The following LBX1 variants were observed in gnomAD, a reference collection of about 807,000 sequenced individuals.
The protein encoded by LBX1 is ladybird homeobox 1, also known as transcription factor LBX1.
LBX1 carries 6 observed loss-of-function variants against 19.9 expected under a neutral mutation model. The observed-to-expected ratio is 0.30, with a 90% confidence interval of 0.17 to 0.60. The LOEUF (loss-of-function observed/expected upper bound fraction) is 0.60. LBX1 is among the 20% of genes least tolerant of loss of function. LBX1 has a pLI of 0.87. For synonymous variants in LBX1, 190 were observed against 189.3 expected (o/e 1.00, Z -0.03); for missense variants, 344 against 393.7 (o/e 0.87, Z 1.07).
At chr10:101,228,153 A>G (rs1432630211) in intron 1 of LBX1, among the ~76,000 whole-genome samples, 1 of 152,094 alleles carries the variant, frequency 6.6e-6, no homozygotes, top group Non-Finnish European at 1.5e-5. Context: ...CCTACCCATA[A>G]GGTCCCCGGC....
intron 1 of LBX1, 63 bp downstream of exon 1, chr10:101,228,428 C>A: frequency 7.4e-7 from 1 of 1,347,082 alleles, no homozygotes; most frequent in Non-Finnish European, 1.0e-6. Context: ...GCATAGGGGA[C>A]GAAGCGCGCA....
Position 101,229,017 on chromosome 10 carries a change from T to G in LBX1, c.-202A>C, listed in dbSNP as rs1340892443. 7.0e-5 allele frequency: 13 copies of G among 186,696 alleles called. No homozygotes were observed. The South Asian group carries it at 2.4e-3, about 35-fold the overall frequency. The allele number at this position is 186,696 out of a possible 1,614,324, so 11.6% of individuals were successfully genotyped here. On this transcript the variant is annotated 5_prime_UTR_variant, in exon 1 of 2. Coordinates refer to ENST00000370193, the MANE Select transcript of LBX1 (RefSeq NM_006562.5). This position sits in a 1 kb window ranked among gnomAD's most constrained non-coding sequence, Gnocchi z 6.4. ...GCGCGGGGCCCCGGGAAGAGGGCGC[T>G]GACGCGGGCGCCGCTGCTGCTGGGG...
In LBX1 at chr10:101,227,197, G is replaced by A; in HGVS notation, c.*73C>T. ...GGCAGAGGAGGTCCCAGCTCCCCTC[G>A]GCGGTCCGGTCCGGGAGGCGTTGGG... is the stretch of plus-strand genomic sequence containing the variant. On this transcript the variant is annotated 3_prime_UTR_variant, in exon 2 of 2. Transcript: ENST00000370193. 6.8e-7 allele frequency: 1 copy of A among 1,462,658 alleles called. No homozygotes were observed. Among genetic ancestry groups the A allele is most frequent in the South Asian group, 1.3e-5 (1 of 79,174 alleles). The allele number at this position is 1,462,658 out of a possible 1,614,324, so 90.6% of individuals were successfully genotyped here.
At chr10:101,228,421 T>C (rs555166218) in intron 1 of LBX1, 70 bp downstream of exon 1, 107 of 1,260,922 alleles carry the variant, frequency 8.5e-5, no homozygotes, top group Non-Finnish European at 1.1e-4. Flanking sequence ...AGCAGAGGCA[T>C]AGGGGACGAA....
At position 101,227,190 on chromosome 10, in the gene LBX1, T is replaced by C; in HGVS notation, c.*80A>G. On this transcript the variant is annotated 3_prime_UTR_variant, in exon 2 of 2. Coordinates refer to ENST00000370193, the MANE Select transcript of LBX1 (RefSeq NM_006562.5). ...GGGAGTTGGCAGAGGAGGTCCCAGCTCCCCTCGGCGGTCCGGTCCGGGAGG... is the reference window on the plus strand; with the variant it reads ...GGGAGTTGGCAGAGGAGGTCCCAGCCCCCCTCGGCGGTCCGGTCCGGGAGG... 7.1e-7 allele frequency: 1 copy of C among 1,406,556 alleles called. No individual in the cohort carries two copies. The allele number at this position is 1,406,556 out of a possible 1,614,324, so 87.1% of individuals were successfully genotyped here. A position where few individuals can be genotyped will look rare whatever the true frequency, so the allele number is the denominator to read the frequency against.
rs1018641878 is a variant in LBX1, at chr10:101,227,144, G to A, written c.*126C>T. ...GCGGCTGCCAGGAGCCGAGTCCGGGGCCGGGGACAGGGGAGGAGGCGGGAG... is the reference window on the plus strand; with the variant it reads ...GCGGCTGCCAGGAGCCGAGTCCGGGACCGGGGACAGGGGAGGAGGCGGGAG... On this transcript the variant is annotated 3_prime_UTR_variant, in exon 2 of 2. Transcript: ENST00000370193. 1.2e-5 allele frequency: 11 copies of A among 937,878 alleles called. No individual in the cohort carries two copies. The highest frequency in any genetic ancestry group is 1.7e-5 in the African/African-American group (1 of 57,184). The allele number at this position is 937,878 out of a possible 1,614,324, so 58.1% of individuals were successfully genotyped here. A position where few individuals can be genotyped will look rare whatever the true frequency, so the allele number is the denominator to read the frequency against.
Position 101,228,915 on chromosome 10 carries a change from T to A in LBX1, c.-100A>T. The A allele has an allele frequency of 1.3e-6, 1 of 787,690 alleles. No homozygotes were observed. Among genetic ancestry groups the A allele is most frequent in the Non-Finnish European group, 1.7e-6 (1 of 590,794 alleles). 48.8% of individuals were successfully genotyped at this position (787,690 alleles called of 1,614,324 possible). A position where few individuals can be genotyped will look rare whatever the true frequency, so the allele number is the denominator to read the frequency against. On this transcript the variant is annotated 5_prime_UTR_variant, in exon 1 of 2. Coordinates refer to ENST00000370193, the MANE Select transcript of LBX1 (RefSeq NM_006562.5). ...GACGGCGCGGGCAGGCAGCGGCGGG[T>A]GGAAAGGAGGCCGCACTGGGCAGGG...
chr10:101,228,698 C>A lies in LBX1; in HGVS notation c.118G>T (p.Asp40Tyr). ...CGCACAGACGGCTTGTTGAGGATGT[C>A]CTCGATGCTGAACGGCGTCAGTGGC... ...NKPLTPFSIEDILNKPSVRRS... is the reference protein window; with the variant it reads ...NKPLTPFSIEYILNKPSVRRS... The change falls in exon 1 of 2, where the codon GAC becomes TAC. Residue 40 changes from aspartate to tyrosine, a missense_variant. Physicochemically the swap from Asp to Tyr is radical, Grantham distance 160. Around this residue, in one of 3 missense-constraint regions of LBX1, gnomAD observed 153 missense variants for 168.9 expected, o/e 0.91. Transcript: ENST00000370193. 6.2e-7 allele frequency: 1 copy of A among 1,609,224 alleles called. No individual in the cohort carries two copies.
Position 101,227,231 on chromosome 10 carries a change from C to G in LBX1, c.*39G>C, listed in dbSNP as rs762655192. The G allele has an allele frequency of 8.2e-6, 13 of 1,577,604 alleles. No homozygotes were observed. The highest frequency in any genetic ancestry group is 1.1e-5 in the Non-Finnish European group (13 of 1,165,772). On this transcript the variant is annotated 3_prime_UTR_variant, in exon 2 of 2. Transcript: ENST00000370193. Reference sequence around the variant, plus strand: ...GTCCGGGAGGCGTTGGGCTTTCGAGCGCTAGGAGCCCAGGGCGGCGGAAGA... The same window carrying G: ...GTCCGGGAGGCGTTGGGCTTTCGAGGGCTAGGAGCCCAGGGCGGCGGAAGA...
chr10:101,228,773 G>T lies in LBX1; in HGVS notation c.43C>A (p.Arg15=), dbSNP rs1489353886. 1 of 1,598,708 alleles carries T rather than the reference G, an allele frequency of 6.3e-7. No individual in the cohort carries two copies. The highest frequency in any genetic ancestry group is 1.1e-5 in the South Asian group (1 of 88,916). The change falls in exon 1 of 2, where the codon CGG becomes AGG. Residue 15 remains arginine, a synonymous_variant. Coordinates refer to ENST00000370193, the MANE Select transcript of LBX1 (RefSeq NM_006562.5). ...EDGKAAPGEE[R]RRSPLDHLPP... ...AGGTGGTCCAGCGGGCTGCGCCGCCGCTCCTCCCCCGGCGCCGCCTTGCCG... is the reference window on the plus strand; with the variant it reads ...AGGTGGTCCAGCGGGCTGCGCCGCCTCTCCTCCCCCGGCGCCGCCTTGCCG...
At position 101,227,450 on chromosome 10, in the gene LBX1, G is replaced by A; in HGVS notation, c.666C>T (p.Gly222=). 1 of 1,596,628 alleles carries A rather than the reference G, an allele frequency of 6.3e-7. No homozygotes were observed. Among genetic ancestry groups the A allele is most frequent in the South Asian group, 1.1e-5 (1 of 90,056 alleles). Reference sequence around the variant, plus strand: ...TCGACTTGGCCCTGCCGCAGCCGCCGCCACCGCCGGCTGTGGCCTCCGAGT... The same window carrying A: ...TCGACTTGGCCCTGCCGCAGCCGCCACCACCGCCGGCTGTGGCCTCCGAGT... ...EQNSEATAGG[G]GGCGRAKSRP... The change falls in exon 2 of 2, where the codon GGC becomes GGT. Residue 222 remains glycine, a synonymous_variant. Transcript: ENST00000370193.
At position 101,227,089 on chromosome 10, in the gene LBX1, G is replaced by T; in HGVS notation, c.*181C>A. ...TGGTGGCGGCCGGCCCGGCCGGCCA[G>T]CCTGGGTTTATTGCTTCGAGAGGGA... On this transcript the variant is annotated 3_prime_UTR_variant, in exon 2 of 2. Coordinates refer to ENST00000370193, the MANE Select transcript of LBX1 (RefSeq NM_006562.5). 1 of 585,712 alleles carries T rather than the reference G, an allele frequency of 1.7e-6. No individual in the cohort carries two copies. The allele number at this position is 585,712 out of a possible 1,614,324, so 36.3% of individuals were successfully genotyped here.
In LBX1 at chr10:101,229,322, T is replaced by C. The variant is rs115460166; in HGVS notation, c.-507A>G. 0.021 allele frequency: 3,216 copies of C among 156,786 alleles called. 126 individuals are homozygous for C. The highest frequency in any genetic ancestry group is 0.073 in the African/African-American group (3,051 of 41,566). 9.7% of individuals were successfully genotyped at this position (156,786 alleles called of 1,614,324 possible). On this transcript the variant is annotated 5_prime_UTR_variant, in exon 1 of 2. Transcript: ENST00000370193. This position sits in a 1 kb window ranked among gnomAD's most constrained non-coding sequence, Gnocchi z 6.4. ...CTCTTTCTCTCTCCTTTCTCCCTTTTTCCTCTCTTCTTTGCCTCTGTTCTC... is the reference window on the plus strand; with the variant it reads ...CTCTTTCTCTCTCCTTTCTCCCTTTCTCCTCTCTTCTTTGCCTCTGTTCTC...
rs1454574101 is a variant in LBX1, at chr10:101,228,872, C to G, written c.-57G>C. The G allele has an allele frequency of 8.2e-6, 10 of 1,214,302 alleles. No homozygotes were observed. Among genetic ancestry groups the G allele is most frequent in the Non-Finnish European group, 1.1e-5 (10 of 950,038 alleles). 75.2% of individuals were successfully genotyped at this position (1,214,302 alleles called of 1,614,324 possible). On this transcript the variant is annotated 5_prime_UTR_variant, in exon 1 of 2. Transcript: ENST00000370193. ...GCTCGGGCCGCGGGGACCCAGCCCG[C>G]GGGCAGCTCGGGCGCCGGACGGCGC...
Position 101,226,998 on chromosome 10 carries a change from T to C in LBX1, c.*272A>G, listed in dbSNP as rs1464228075. ...CGGTGGGAAGAACCCGCTATATAGG[T>C]TTAAATATTTATATAGAAGCCATAC... is the stretch of plus-strand genomic sequence containing the variant. On this transcript the variant is annotated 3_prime_UTR_variant, in exon 2 of 2. Coordinates refer to ENST00000370193, the MANE Select transcript of LBX1 (RefSeq NM_006562.5). This position sits in a 1 kb window ranked among gnomAD's most constrained non-coding sequence, Gnocchi z 4.8. The C allele has an allele frequency of 6.6e-6, 2 of 302,104 alleles. No homozygotes were observed. Among genetic ancestry groups the C allele is most frequent in the Non-Finnish European group, 1.2e-5 (2 of 165,864 alleles). The allele number at this position is 302,104 out of a possible 1,614,324, so 18.7% of individuals were successfully genotyped here.
Position 101,227,679 on chromosome 10 carries a change from T to C in LBX1, c.437A>G (p.Tyr146Cys). The C allele has an allele frequency of 6.2e-7, 1 of 1,613,980 alleles. No individual in the cohort carries two copies. The highest frequency in any genetic ancestry group is 8.5e-7 in the Non-Finnish European group (1 of 1,179,980). Reference sequence around the variant, plus strand: ...ATCGGCGGGGGACAGGTACTTCTGGTATAGAAAGCGCTTTTCCAATTCATA... The same window carrying C: ...ATCGGCGGGGGACAGGTACTTCTGGCATAGAAAGCGCTTTTCCAATTCATA... ...QIYELEKRFL[Y>C]QKYLSPADRD... The change falls in exon 2 of 2, where the codon TAC becomes TGC. Residue 146 changes from tyrosine (Y) to cysteine (C), a missense_variant. Coordinates refer to ENST00000370193, the MANE Select transcript of LBX1 (RefSeq NM_006562.5).
At chr10:101,228,440 G>A (rs1440468290) in intron 1 of LBX1, 51 bp downstream of exon 1, 5 of 1,424,994 alleles carry the variant, frequency 3.5e-6, no homozygotes, top group Non-Finnish European at 4.7e-6. Flanking sequence ...AAGCGCGCAG[G>A]GCACAGGGCG....
At position 101,227,125 on chromosome 10, in the gene LBX1, G is replaced by T. The variant is rs1243685571; in HGVS notation, c.*145C>A. 6 of 782,824 alleles carry T rather than the reference G, an allele frequency of 7.7e-6. No homozygotes were observed. In the African/African-American group the frequency reaches 1.1e-4, roughly 14 times the overall value. 48.5% of individuals were successfully genotyped at this position (782,824 alleles called of 1,614,324 possible). On this transcript the variant is annotated 3_prime_UTR_variant, in exon 2 of 2. Transcript: ENST00000370193. ...TTGCTTCGAGAGGGAAGAGGCGGCT[G>T]CCAGGAGCCGAGTCCGGGGCCGGGG...
Position 101,226,994 on chromosome 10 carries a change from T to G in LBX1, c.*276A>C. On this transcript the variant is annotated 3_prime_UTR_variant, in exon 2 of 2. Transcript: ENST00000370193. This position sits in a 1 kb window ranked among gnomAD's most constrained non-coding sequence, Gnocchi z 4.8. ...GCTGCGGTGGGAAGAACCCGCTATA[T>G]AGGTTTAAATATTTATATAGAAGCC... 17 of 269,554 alleles carry G rather than the reference T, an allele frequency of 6.3e-5. No individual in the cohort carries two copies. Among genetic ancestry groups the G allele is most frequent in the East Asian group, 1.3e-4 (2 of 15,534 alleles). The allele number at this position is 269,554 out of a possible 1,614,324, so 16.7% of individuals were successfully genotyped here. A position where few individuals can be genotyped will look rare whatever the true frequency, so the allele number is the denominator to read the frequency against.
Sources: allele counts gnomAD v4.1 joint callset (sites outside exome capture counted in the v4.1 genomes callset), GRCh38; gene constraint gnomAD v4.1.1; regional missense constraint gnomAD v4.1.1; non-coding constraint Gnocchi (gnomAD v3.1); transcripts MANE v1.5; gene names NCBI Gene and HGNC (gene_info 2026-07-23, HGNC 2026-07-21).